The following FRMD4A variants were observed in gnomAD, a reference collection of about 807,000 sequenced individuals.
FRMD4A encodes FERM domain containing 4A.
Under a neutral mutation model 129.1 loss-of-function variants are expected in FRMD4A, and 29 were observed. That is an observed-to-expected ratio of 0.22 (90% CI 0.17 to 0.31). The LOEUF is 0.31. Ranked by LOEUF, FRMD4A falls within the 10% of genes least tolerant of loss-of-function variation. The probability of loss-of-function intolerance (pLI) is 1.00; values close to 1 mark genes in which losing one functional copy is unlikely to be tolerated. For synonymous variants in FRMD4A, 634 were observed against 571.6 expected (o/e 1.11, Z -1.56); for missense variants, 1,272 against 1,375.8 (o/e 0.92, Z 1.19).
chr10:14,063,539 A>T (rs1275513491), intron 2 of FRMD4A, among the ~76,000 whole-genome samples: 1 of 134,360 alleles, frequency 7.4e-6, no homozygotes, highest in East Asian at 2.2e-4. Context: ...CTGAGTTCTT[A>T]CATTATTTTA....
intron 2 of FRMD4A, among the ~76,000 whole-genome samples, chr10:14,329,682 C>T (rs1385753268): frequency 1.3e-5 from 2 of 152,118 alleles, no homozygotes; most frequent in Admixed American, 6.5e-5. Context: ...TCCACAGTTG[C>T]CCTGAGAAGA....
chr10:14,009,803 G>A (rs148376080), intron 2 of FRMD4A, among the ~76,000 whole-genome samples: 1 of 88,144 alleles, frequency 1.1e-5, no homozygotes, highest in East Asian at 3.1e-4. Flanking sequence ...TCAGTGAGAG[G>A]GTGAGAGAGA....
chr10:13,963,341 T>C (rs991758655), intron 2 of FRMD4A, among the ~76,000 whole-genome samples: 1 of 150,452 alleles, frequency 6.6e-6, no homozygotes, highest in Non-Finnish European at 1.5e-5. Flanking sequence ...CCACACCATA[T>C]GTAGGCACTA....
At chr10:13,819,428 C>A (rs1041990484) in intron 3 of FRMD4A, among the ~76,000 whole-genome samples, 5 of 152,158 alleles carry the variant, frequency 3.3e-5, no homozygotes, top group Non-Finnish European at 7.4e-5. Context: ...CCCTGACCAT[C>A]CTGCCTACAA....
chr10:14,028,273 C>A (rs1013807034), intron 2 of FRMD4A, among the ~76,000 whole-genome samples: 1 of 152,124 alleles, frequency 6.6e-6, no homozygotes, highest in Non-Finnish European at 1.5e-5. Flanking sequence ...CTGGTGCCTA[C>A]AAAGATGATT....
intron 24 of FRMD4A, chr10:13,649,606 ATCTT>A (rs2081383822): frequency 1.3e-5 from 2 of 152,360 alleles, no homozygotes; most frequent in South Asian, 4.1e-4. Context: ...TTTATACAGA[ATCTT>A]TCTTAGTGCT....
At position 13,975,198 on chromosome 10, in the gene FRMD4A, ATGTC is replaced by A. The variant is rs760565368; in HGVS notation, c.46-116290_46-116287del. 1.4e-3 allele frequency among the ~76,000 whole-genome samples: 205 copies of A among 146,434 alleles called. 1 individual carries two copies. The highest frequency in any genetic ancestry group is 2.3e-3 in the Non-Finnish European group (153 of 66,700). ...TTTGTGAGTCTCTGTGTCTGTGTGT[ATGTC>A]TATCATATGTTAATGTGTGTGTGTA... On this transcript the variant is annotated intron_variant, in intron 2 of 24. Transcript: ENST00000357447.
At chr10:13,813,777 G>A (rs951238619) in intron 3 of FRMD4A, among the ~76,000 whole-genome samples, 31 of 152,340 alleles carry the variant, frequency 2.0e-4, no homozygotes, top group African/African-American at 4.6e-4. Flanking sequence ...ATTGTACCGC[G>A]TACTGCTAGC....
intron 2 of FRMD4A, among the ~76,000 whole-genome samples, chr10:14,036,101 C>T (rs902269170): frequency 4.0e-5 from 6 of 151,844 alleles, no homozygotes; most frequent in Non-Finnish European, 7.4e-5. Context: ...GGATTAGTGT[C>T]TCCACAATGT....
chr10:14,320,325 T>G (rs1846926905), intron 2 of FRMD4A, among the ~76,000 whole-genome samples: 1 of 152,164 alleles, frequency 6.6e-6, no homozygotes, highest in African/African-American at 2.4e-5. Context: ...ATCTCTTCCA[T>G]GACACAGACC....
intron 2 of FRMD4A, among the ~76,000 whole-genome samples, chr10:14,094,459 C>T (rs891829172): frequency 1.3e-5 from 2 of 152,164 alleles, no homozygotes; most frequent in Non-Finnish European, 2.9e-5. Context: ...CTGGTGTGGG[C>T]CAGTCTCCTC....
chr10:13,878,639 G>A (rs2926388), intron 2 of FRMD4A, among the ~76,000 whole-genome samples: 91,158 of 151,758 alleles, frequency 0.6, 27,634 homozygotes, highest in South Asian at 0.77. Flanking sequence ...TGTAATCCCA[G>A]CTACTCGGGA....
At chr10:14,159,327 A>C (rs1840762491) in intron 2 of FRMD4A, among the ~76,000 whole-genome samples, 1 of 152,218 alleles carries the variant, frequency 6.6e-6, no homozygotes, top group Non-Finnish European at 1.5e-5. Flanking sequence ...GCCAATAATG[A>C]AGTCGCTGAA....
intron 2 of FRMD4A, among the ~76,000 whole-genome samples, chr10:13,966,135 T>C (rs1381743043): frequency 6.6e-6 from 1 of 152,132 alleles, no homozygotes; most frequent in Non-Finnish European, 1.5e-5. Context: ...TTCTCCTGCC[T>C]CAGCCTCCTC....
chr10:13,881,436 GAGAA>G (rs1422408544), intron 2 of FRMD4A, among the ~76,000 whole-genome samples: 1 of 151,938 alleles, frequency 6.6e-6, no homozygotes, highest in Non-Finnish European at 1.5e-5. Context: ...GAGACAGAGA[GAGAA>G]AGAGAGTTGT....
intron 2 of FRMD4A, among the ~76,000 whole-genome samples, chr10:14,282,289 C>A (rs1845547065): frequency 6.6e-6 from 1 of 152,110 alleles, no homozygotes; most frequent in African/African-American, 2.4e-5. Context: ...GCAAGTGACC[C>A]TCCTAAAGGT....
At chr10:14,042,361 A>G (rs1052340680) in intron 2 of FRMD4A, among the ~76,000 whole-genome samples, 6 of 152,170 alleles carry the variant, frequency 3.9e-5, no homozygotes, top group Middle Eastern at 3.2e-3. Flanking sequence ...GCCAATCAGG[A>G]CAAATACAGA....
At chr10:13,747,265 G>T (rs1298598862) in intron 9 of FRMD4A, among the ~76,000 whole-genome samples, 4 of 152,030 alleles carry the variant, frequency 2.6e-5, no homozygotes, top group Admixed American at 6.6e-5. Context: ...AGGCGTGGTA[G>T]CTCACCCCTG....
intron 21 of FRMD4A, 65 bp from the exon 22 acceptor site, chr10:13,657,587 G>T (rs1028714092): frequency 3.4e-6 from 5 of 1,460,618 alleles, no homozygotes; most frequent in African/African-American, 1.4e-5. Context: ...GTGCTCCGGG[G>T]AGGAGGGGGT....
Sources: gnomAD v4.1 joint callset for allele counts (sites outside exome capture counted in the v4.1 genomes callset) on GRCh38, gnomAD v4.1.1 for gene constraint, MANE v1.5 for transcripts, NCBI Gene and HGNC (gene_info 2026-07-23, HGNC 2026-07-21) for gene names.